Variants in PTPRN2 observed in about 807,000 individuals in gnomAD.
The protein encoded by PTPRN2 is protein tyrosine phosphatase receptor type N2, also known as receptor-type tyrosine-protein phosphatase N2.
Under a neutral mutation model 118.8 loss-of-function variants are expected in PTPRN2, and 74 were observed. The ratio of observed to expected loss-of-function variants is 0.62; its 90% CI spans 0.52 to 0.76. The LOEUF is 0.76. Ranked by LOEUF, PTPRN2 falls within the 30% of genes least tolerant of loss-of-function variation. PTPRN2 has a pLI of 0.00. For synonymous variants in PTPRN2, 641 were observed against 608.0 expected (o/e 1.05, Z -0.80); for missense variants, 1,481 against 1,394.4 (o/e 1.06, Z -0.99).
intron 11 of PTPRN2, among the ~76,000 whole-genome samples, chr7:158,071,016 CTCGT>C (rs1811377298): frequency 1.3e-5 from 1 of 79,982 alleles, no homozygotes; most frequent in African/African-American, 6.2e-5. Context: ...GGTGGAGGTG[CTCGT>C]GGTGGAGGTG....
At chr7:158,263,158 T>TCACACATTCACACACACTGCA (rs1383751650) in intron 3 of PTPRN2, among the ~76,000 whole-genome samples, 1 of 145,236 alleles carries the variant, frequency 6.9e-6, no homozygotes, top group Non-Finnish European at 1.5e-5. Flanking sequence ...CTGCACACAG[T>TCACACATTCACACACACTGCA]CACACATTCA....
At chr7:158,146,675 C>T (rs1225862352) in intron 6 of PTPRN2, among the ~76,000 whole-genome samples, 5 of 146,772 alleles carry the variant, frequency 3.4e-5, no homozygotes, top group South Asian at 4.3e-4. Flanking sequence ...GAGCTGAGAT[C>T]GCGCCACTGC....
At chr7:158,182,652 C>T (rs1167486682) in intron 5 of PTPRN2, among the ~76,000 whole-genome samples, 4 of 152,228 alleles carry the variant, frequency 2.6e-5, no homozygotes, top group Non-Finnish European at 5.9e-5. Context: ...GGGACATGAT[C>T]TCATTCCTTT....
At chr7:158,033,315 C>T (rs1011894617) in intron 11 of PTPRN2, among the ~76,000 whole-genome samples, 16 of 152,140 alleles carry the variant, frequency 1.1e-4, no homozygotes, top group Non-Finnish European at 2.4e-4. Context: ...AGAAACGAGT[C>T]GGTGATTAGC....
chr7:157,921,832 C>T lies in PTPRN2; in HGVS notation c.1724-23095G>A, dbSNP rs189305953. Among the ~76,000 whole-genome samples the T allele has an allele frequency of 1.5e-3, 235 of 152,260 alleles. 1 individual carries two copies. Among genetic ancestry groups the T allele is most frequent in the African/African-American group, 5.2e-3 (218 of 41,548 alleles). ...GAATTTTATTATAGCAACAAAAATC[C>T]ACCTAAGAGAACAGCAGGAGTGAAC... On this transcript the variant is annotated intron_variant, in intron 11 of 22. Transcript: ENST00000389418.
At chr7:158,306,399 C>A (rs971339023) in intron 3 of PTPRN2, among the ~76,000 whole-genome samples, 1 of 152,148 alleles carries the variant, frequency 6.6e-6, no homozygotes, top group African/African-American at 2.4e-5. Context: ...GGCTCTGGGC[C>A]AGCATGAAGT....
intron 12 of PTPRN2, chr7:157,740,256 T>A (rs569107658): frequency 6.6e-6 from 1 of 152,360 alleles, no homozygotes; most frequent in Non-Finnish European, 1.5e-5. Context: ...CCTTGGTGGA[T>A]CAGGTTCCTG....
chr7:158,133,763 A>G lies in PTPRN2; in HGVS notation c.1470T>C (p.Gly490=), dbSNP rs934938772. ...PSKEEQSLPA[G]AQEALSDGLQ... is the part of the protein sequence containing the mutation. ...GGCCGTCGCTGAGGGCCTCCTGAGC[A>G]CCCGCTGGAAGGCTCTGCTCCTCCT... Residue 490 remains glycine, a synonymous_variant, in exon 9 of 23, where the codon GGT becomes GGC. Transcript: ENST00000389418. 2.5e-6 allele frequency: 4 copies of G among 1,613,626 alleles called. No individual in the cohort carries two copies. The highest frequency in any genetic ancestry group is 3.4e-6 in the Non-Finnish European group (4 of 1,179,870).
chr7:157,878,798 T>A (rs1272927010), intron 12 of PTPRN2, among the ~76,000 whole-genome samples: 2 of 73,660 alleles, frequency 2.7e-5, no homozygotes, highest in Non-Finnish European at 5.3e-5. Flanking sequence ...GCTCTCGGAT[T>A]CCGTGGGGCT....
At chr7:158,439,283 C>G (rs1178383550) in intron 2 of PTPRN2, among the ~76,000 whole-genome samples, 1 of 152,234 alleles carries the variant, frequency 6.6e-6, no homozygotes, top group Non-Finnish European at 1.5e-5. Flanking sequence ...CCCCGACCAC[C>G]TCAGGCACAA....
chr7:158,171,489 C>T (rs1323157298), intron 5 of PTPRN2, among the ~76,000 whole-genome samples: 1 of 151,682 alleles, frequency 6.6e-6, no homozygotes, highest in Non-Finnish European at 1.5e-5. Flanking sequence ...GCTGGGATTA[C>T]AGGCACGCGC....
intron 3 of PTPRN2, among the ~76,000 whole-genome samples, chr7:158,231,083 A>G (rs1829135730): frequency 6.6e-6 from 1 of 152,198 alleles, no homozygotes. Context: ...CCTGGGCAAT[A>G]CAGTGAGACT....
intron 21 of PTPRN2, 131 bp downstream of exon 21, chr7:157,568,771 C>T: frequency 5.6e-6 from 5 of 886,364 alleles, no homozygotes; most frequent in Non-Finnish European, 9.1e-6. Context: ...AACCACCTTC[C>T]TACGGCCCAG....
chr7:157,895,230 C>T (rs942225950), intron 12 of PTPRN2, among the ~76,000 whole-genome samples: 2 of 151,242 alleles, frequency 1.3e-5, no homozygotes, highest in African/African-American at 4.9e-5. Context: ...CTGGACGAAA[C>T]CATAAAATAA....
At chr7:158,072,564 G>A (rs1563395754) in intron 11 of PTPRN2, among the ~76,000 whole-genome samples, 1 of 152,074 alleles carries the variant, frequency 6.6e-6, no homozygotes, top group Non-Finnish European at 1.5e-5. Context: ...AAGTGCTCAG[G>A]GACCCCTCCC....
At chr7:157,901,917 C>T (rs1035297326) in intron 11 of PTPRN2, among the ~76,000 whole-genome samples, 9 of 111,942 alleles carry the variant, frequency 8.0e-5, no homozygotes, top group East Asian at 2.5e-4. Flanking sequence ...GGTCCTGAGG[C>T]GGGGCCTTCC....
intron 11 of PTPRN2, among the ~76,000 whole-genome samples, chr7:157,979,187 A>G (rs756457289): frequency 2.0e-5 from 3 of 152,068 alleles, no homozygotes; most frequent in Non-Finnish European, 4.4e-5. Flanking sequence ...CAGATGGCTA[A>G]TGAATGTCTG....
At chr7:158,420,815 T>C (rs1392504095) in intron 2 of PTPRN2, among the ~76,000 whole-genome samples, 1 of 152,200 alleles carries the variant, frequency 6.6e-6, no homozygotes, top group Non-Finnish European at 1.5e-5. Context: ...ATGTCTTCCA[T>C]GGAAGCGGGG....
intron 14 of PTPRN2, among the ~76,000 whole-genome samples, chr7:157,628,273 G>A (rs1282419459): frequency 1.3e-5 from 2 of 152,190 alleles, no homozygotes; most frequent in African/African-American, 4.8e-5. Context: ...CACAAATGTC[G>A]TCAGCACCGT....
Sources: gnomAD v4.1 joint callset for allele counts (sites outside exome capture counted in the v4.1 genomes callset) on GRCh38, gnomAD v4.1.1 for gene constraint, MANE v1.5 for transcripts, NCBI Gene and HGNC (gene_info 2026-07-23, HGNC 2026-07-21) for gene names.